The following EBF1 variants were observed in gnomAD, a reference collection of about 807,000 sequenced individuals.
EBF1 encodes the protein EBF transcription factor 1, also known as transcription factor COE1.
A neutral mutation model predicts 68.4 loss-of-function variants in EBF1; 10 were observed. The observed-to-expected ratio is 0.15, with a 90% CI of 0.09 to 0.25. The LOEUF (loss-of-function observed/expected upper bound fraction) is 0.25. EBF1 is among the 10% of genes least tolerant of loss of function. The pLI is 1.00. For missense variants in EBF1, 509 were observed against 794.4 expected (o/e 0.64, Z 4.32); for synonymous variants, 298 against 299.8 (o/e 0.99, Z 0.06).
intron 10 of EBF1, among the ~76,000 whole-genome samples, chr5:158,743,250 A>G (rs1456375991): frequency 6.6e-6 from 1 of 152,226 alleles, no homozygotes; most frequent in Non-Finnish European, 1.5e-5. Flanking sequence ...GGAAAGATAA[A>G]TAGGATTTTT....
At position 158,695,940 on chromosome 5, in the gene EBF1, TAATTA is replaced by T. The variant is rs1284607237; in HGVS notation, c.*3166_*3170del. ...TGCCATCACAGACAGGAAGTAACTT[TAATTA>T]AATATTGTGAAAGTTGAAAAGTTTT... is the stretch of plus-strand genomic sequence containing the variant. On this transcript the variant is annotated 3_prime_UTR_variant, in exon 16 of 16. Coordinates refer to ENST00000313708, the MANE Select transcript of EBF1 (RefSeq NM_024007.5). 2 of 184,398 alleles carry T rather than the reference TAATTA, an allele frequency of 1.1e-5. No individual in the cohort carries two copies. The highest frequency in any genetic ancestry group is 2.3e-5 in the Non-Finnish European group (2 of 87,296). The allele number at this position is 184,398 out of a possible 1,614,324, so 11.4% of individuals were successfully genotyped here. A position where few individuals can be genotyped will look rare whatever the true frequency, so the allele number is the denominator to read the frequency against.
At chr5:158,737,240 T>A (rs1765371637) in intron 10 of EBF1, among the ~76,000 whole-genome samples, 1 of 145,360 alleles carries the variant, frequency 6.9e-6, no homozygotes, top group Non-Finnish European at 1.5e-5. Flanking sequence ...GAGGAAAATT[T>A]CCAAACTGCC....
intron 6 of EBF1, among the ~76,000 whole-genome samples, chr5:158,911,788 A>T (rs1806035786): frequency 6.6e-6 from 1 of 152,214 alleles, no homozygotes; most frequent in Non-Finnish European, 1.5e-5. Flanking sequence ...CACCCACTCC[A>T]CATGCCCTAC....
At chr5:158,874,614 C>T (rs909000854) in intron 6 of EBF1, among the ~76,000 whole-genome samples, 3 of 152,100 alleles carry the variant, frequency 2.0e-5, no homozygotes, top group East Asian at 1.9e-4. Context: ...CAATAAATTA[C>T]GCTGTGTGTA....
intron 15 of EBF1, among the ~76,000 whole-genome samples, chr5:158,701,811 G>A (rs1464329480): frequency 6.6e-6 from 1 of 152,172 alleles, no homozygotes; most frequent in Non-Finnish European, 1.5e-5. Context: ...TAGGGGGTGG[G>A]TTTGGCCCAC....
chr5:158,953,119 A>T (rs181785014), intron 6 of EBF1, among the ~76,000 whole-genome samples: 2 of 152,314 alleles, frequency 1.3e-5, no homozygotes, highest in East Asian at 3.9e-4. Context: ...TATATTTATA[A>T]GCTGCACATC....
chr5:158,813,227 G>C lies in EBF1; in HGVS notation c.778+9949C>G, dbSNP rs563862504. Among the ~76,000 whole-genome samples, 131 of 152,256 alleles carry C rather than the reference G, an allele frequency of 8.6e-4. 1 individual carries two copies. The highest frequency in any genetic ancestry group is 3.0e-3 in the African/African-American group (125 of 41,538). Reference sequence around the variant, plus strand: ...ATAATAGCTGTGAGATCATGATTTTGAAGTTGGAGTTATTGTTTTGTTTAC... The same window carrying C: ...ATAATAGCTGTGAGATCATGATTTTCAAGTTGGAGTTATTGTTTTGTTTAC... On this transcript the variant is annotated intron_variant, in intron 8 of 15. Coordinates refer to ENST00000313708, the MANE Select transcript of EBF1 (RefSeq NM_024007.5).
intron 4 of EBF1, 55 bp downstream of exon 4, chr5:159,095,564 AC>A: frequency 1.9e-6 from 3 of 1,601,342 alleles, no homozygotes; most frequent in Non-Finnish European, 2.6e-6. Context: ...TAGCTTCTTG[AC>A]TGCCCTGAAT....
At chr5:159,022,378 A>AC (rs1426917479) in intron 6 of EBF1, among the ~76,000 whole-genome samples, 2 of 152,214 alleles carry the variant, frequency 1.3e-5, no homozygotes, top group Non-Finnish European at 2.9e-5. Flanking sequence ...AAGTTCTGAC[A>AC]CTAGGCATAT....
intron 6 of EBF1, among the ~76,000 whole-genome samples, chr5:159,062,923 C>A (rs951728566): frequency 6.6e-6 from 1 of 152,266 alleles, no homozygotes; most frequent in East Asian, 1.9e-4. Context: ...GCATGGTAAT[C>A]GTGTGAAGAT....
At chr5:158,897,175 C>T (rs934772499) in intron 6 of EBF1, among the ~76,000 whole-genome samples, 6 of 152,158 alleles carry the variant, frequency 3.9e-5, no homozygotes, top group African/African-American at 7.2e-5. Flanking sequence ...CCCAAATGCC[C>T]ATCAGTGATA....
chr5:158,744,465 TA>T (rs1767120363), intron 10 of EBF1, among the ~76,000 whole-genome samples: 1 of 152,172 alleles, frequency 6.6e-6, no homozygotes, highest in South Asian at 2.1e-4. Flanking sequence ...GGAGAAGTTG[TA>T]AATGTAAGCA....
At chr5:159,076,996 C>T (rs1371287964) in intron 5 of EBF1, among the ~76,000 whole-genome samples, 2 of 152,182 alleles carry the variant, frequency 1.3e-5, no homozygotes, top group Non-Finnish European at 2.9e-5. Flanking sequence ...TTGCAGAATA[C>T]TATTCAAAGT....
At chr5:158,886,071 C>T (rs1799975906) in intron 6 of EBF1, among the ~76,000 whole-genome samples, 1 of 152,202 alleles carries the variant, frequency 6.6e-6, no homozygotes, top group Admixed American at 6.5e-5. Context: ...GTGCCACTCC[C>T]TTTGCCCAAC....
chr5:159,031,844 G>A (rs946307189), intron 6 of EBF1, among the ~76,000 whole-genome samples: 1 of 152,074 alleles, frequency 6.6e-6, no homozygotes, highest in Admixed American at 6.5e-5. Context: ...TTTAAAATTT[G>A]TAAAAATAGA....
At chr5:158,765,353 TTTAAAAATCAA>T (rs1772426200) in intron 10 of EBF1, among the ~76,000 whole-genome samples, 1 of 152,144 alleles carries the variant, frequency 6.6e-6, no homozygotes, top group African/African-American at 2.4e-5. Flanking sequence ...CATTGACTAT[TTTAAAAATCAA>T]TTAAAACTAA....
chr5:159,015,792 A>G (rs1380666179), intron 6 of EBF1, among the ~76,000 whole-genome samples: 1 of 152,190 alleles, frequency 6.6e-6, no homozygotes, highest in Non-Finnish European at 1.5e-5. Flanking sequence ...ACTTGTACAC[A>G]TTTAAACGAG....
chr5:158,804,246 C>T (rs1781160124), intron 8 of EBF1, among the ~76,000 whole-genome samples: 2 of 151,838 alleles, frequency 1.3e-5, no homozygotes, highest in African/African-American at 4.8e-5. Flanking sequence ...GCAGTGTTAG[C>T]TTAGTGGTGA....
At chr5:158,882,712 G>T (rs1799124397) in intron 6 of EBF1, among the ~76,000 whole-genome samples, 1 of 152,214 alleles carries the variant, frequency 6.6e-6, no homozygotes, top group African/African-American at 2.4e-5. Context: ...AGTGATTTGG[G>T]ACTGGAAAGA....
Sources: gnomAD v4.1 joint callset for allele counts (sites outside exome capture counted in the v4.1 genomes callset) on GRCh38, gnomAD v4.1.1 for gene constraint, MANE v1.5 for transcripts, NCBI Gene and HGNC (gene_info 2026-07-23, HGNC 2026-07-21) for gene names.